The following KCNH2 variants were observed in gnomAD, a reference collection of about 807,000 sequenced individuals.
KCNH2 encodes the protein potassium voltage-gated channel subfamily H member 2, also known as voltage-gated inwardly rectifying potassium channel KCNH2.
Under a neutral mutation model 95.9 loss-of-function variants are expected in KCNH2, and 35 were observed. The observed-to-expected ratio is 0.37, with a 90% CI of 0.28 to 0.48. The LOEUF is 0.48. Among genes scored for constraint, KCNH2 ranks in the 20% least tolerant of loss-of-function variants. The pLI is 0.99. For synonymous variants in KCNH2, 786 were observed against 754.7 expected (o/e 1.04, Z -0.68); for missense variants, 1,274 against 1,702.9 (o/e 0.75, Z 4.43).
chr7:150,977,744 C>T, intron 1 of KCNH2, 94 bp downstream of exon 1: 3 of 1,104,164 alleles, frequency 2.7e-6, no homozygotes, highest in Non-Finnish European at 3.9e-6. Context: ...CACTTGCCGA[C>T]GCACACGGCC....
At position 150,958,193 on chromosome 7, in the gene KCNH2, G is replaced by C; in HGVS notation, c.782C>G (p.Ser261Trp). 1 of 1,360,810 alleles carries C rather than the reference G, an allele frequency of 7.3e-7. No homozygotes were observed. The highest frequency in any genetic ancestry group is 9.4e-7 in the Non-Finnish European group (1 of 1,059,226). The allele number at this position is 1,360,810 out of a possible 1,614,324, so 84.3% of individuals were successfully genotyped here. Residue 261 changes from serine (S) to tryptophan (W), a missense_variant, in exon 4 of 15, where the codon TCG (serine) becomes TGG (tryptophan). By Grantham distance (177) the Ser-to-Trp change is radical. Transcript: ENST00000262186. ...PRAHSLNPDA[S>W]GSSCSLARTR... is the part of the protein sequence containing the mutation. ...CCGGGCCAGGCTGCAGCTGGAGCCC[G>C]AGGCGTCGGGGTTGAGGCTGTGCGC...
At position 150,952,774 on chromosome 7, in the gene KCNH2, T is replaced by C. The variant is rs768122072; in HGVS notation, c.1208A>G (p.Tyr403Cys). Reference protein sequence around the residue: ...PRIHRWTILHYSPFKAVWDWL... With the variant: ...PRIHRWTILHCSPFKAVWDWL... ...GTCCCACACGGCCTTGAAGGGGCTG[T>C]AATGCAGGATGGTCCAGCGGTGGAT... The change falls in exon 6 of 15, where the codon TAC becomes TGC. Residue 403 changes from tyrosine to cysteine, a missense_variant. Physicochemically the swap from Tyr to Cys is radical, Grantham distance 194 (BLOSUM62 -2). This residue lies in a region of KCNH2 where 392 missense variants were observed against 429.9 expected (regional missense o/e 0.91). Coordinates refer to ENST00000262186, the MANE Select transcript of KCNH2 (RefSeq NM_000238.4). This position sits in a 1 kb window ranked among gnomAD's most constrained non-coding sequence, Gnocchi z 7.3. The C allele has an allele frequency of 1.2e-6, 2 of 1,614,096 alleles. No individual in the cohort carries two copies. Among genetic ancestry groups the C allele is most frequent in the Non-Finnish European group, 1.7e-6 (2 of 1,180,020 alleles).
chr7:150,955,327 CCCTTGGG>C, intron 5 of KCNH2: 1 of 1,452,442 alleles, frequency 6.9e-7, no homozygotes, highest in Non-Finnish European at 9.5e-7. Context: ...GGAGTCAGAG[CCCTTGGG>C]CCAGCCACCT....
intron 2 of KCNH2, among the ~76,000 whole-genome samples, chr7:150,970,894 C>G (rs2117050526): frequency 6.6e-6 from 1 of 152,310 alleles, no homozygotes; most frequent in African/African-American, 2.4e-5. Flanking sequence ...CAAGAAAACC[C>G]ACTTATACAC....
chr7:150,965,334 C>T lies in KCNH2; in HGVS notation c.308-5598G>A, dbSNP rs150358492. On this transcript the variant is annotated intron_variant, in intron 2 of 14. Coordinates refer to ENST00000262186, the MANE Select transcript of KCNH2 (RefSeq NM_000238.4). ...TGGCATGCCTGAGCCATCTCTGCCC[C>T]GGACCACAGCAATGCCTCAGAAGAT... Among the ~76,000 whole-genome samples the T allele has an allele frequency of 5.0e-3, 757 of 152,250 alleles. 4 individuals are homozygous for T. Among genetic ancestry groups the T allele is most frequent in the African/African-American group, 0.018 (736 of 41,534 alleles).
At chr7:150,953,265 A>AGT (rs1351840862) in intron 5 of KCNH2, among the ~76,000 whole-genome samples, 1 of 152,206 alleles carries the variant, frequency 6.6e-6, no homozygotes, top group Admixed American at 6.5e-5. Context: ...CAACCTGGGC[A>AGT]GTGGCCCCAG....
At chr7:150,949,857 T>C (rs1338639508) in intron 9 of KCNH2, 1 of 1,310,524 alleles carries the variant, frequency 7.6e-7, no homozygotes, top group African/African-American at 1.5e-5. Flanking sequence ...CAGGCTAGCA[T>C]TTCTTCCTCT....
Position 150,946,913 on chromosome 7 carries a change from G to C in KCNH2, c.3294C>G (p.Ser1098Arg), listed in dbSNP as rs1203403811. ...PTSTSPLLPV[S>R]PLPTLTLDSL... Reference sequence around the variant, plus strand: ...AGTCCAAGGTGAGGGTGGGGAGGGGGCTGACGGGCAACAGCGGGGATGTGG... The same window carrying C: ...AGTCCAAGGTGAGGGTGGGGAGGGGCCTGACGGGCAACAGCGGGGATGTGG... The change falls in exon 14 of 15, where the codon AGC becomes AGG. Residue 1098 changes from serine to arginine, a missense_variant. By Grantham distance (110) the Ser-to-Arg change is moderately radical. Coordinates refer to ENST00000262186, the MANE Select transcript of KCNH2 (RefSeq NM_000238.4). This position sits in a 1 kb window ranked among gnomAD's most constrained non-coding sequence, Gnocchi z 6.5. The C allele has an allele frequency of 1.3e-6, 2 of 1,598,460 alleles. No homozygotes were observed. Among genetic ancestry groups the C allele is most frequent in the Admixed American group, 3.4e-5 (2 of 59,126 alleles).
chr7:150,952,793 G>T lies in KCNH2; in HGVS notation c.1189C>A (p.Arg397Ser). The change falls in exon 6 of 15, where the codon CGC becomes AGC. Residue 397 changes from arginine to serine, a missense_variant. Arg to Ser is a moderately radical substitution (Grantham distance 110, BLOSUM62 -1). Transcript: ENST00000262186. This position sits in a 1 kb window ranked among gnomAD's most constrained non-coding sequence, Gnocchi z 7.3. The stretch of plus-strand genomic sequence containing the variant: ...GGGCTGTAATGCAGGATGGTCCAGC[G>T]GTGGATGCGCGGTGCCTGCAGCTTG... ...EYKLQAPRIH[R>S]WTILHYSPFK... 6.2e-7 allele frequency: 1 copy of T among 1,614,114 alleles called. No homozygotes were observed. The highest frequency in any genetic ancestry group is 8.5e-7 in the Non-Finnish European group (1 of 1,180,018).
At chr7:150,954,021 T>C (rs1384678428) in intron 5 of KCNH2, among the ~76,000 whole-genome samples, 4 of 152,188 alleles carry the variant, frequency 2.6e-5, no homozygotes, top group Non-Finnish European at 5.9e-5. Flanking sequence ...GGAGAACATC[T>C]CCTTAGAGGA....
intron 2 of KCNH2, among the ~76,000 whole-genome samples, chr7:150,973,655 G>A (rs1801895477): frequency 1.3e-5 from 2 of 152,252 alleles, no homozygotes; most frequent in African/African-American, 4.8e-5. Flanking sequence ...CAAAAGCACA[G>A]CCTGGAGGAT....
At chr7:150,951,394 C>T (rs1181252431) in intron 7 of KCNH2, 54 bp downstream of exon 7, 5 of 1,607,928 alleles carry the variant, frequency 3.1e-6, no homozygotes, top group Non-Finnish European at 4.2e-6. Flanking sequence ...TTTCCTCCAA[C>T]TTGGGTTCCT....
At chr7:150,955,799 G>A (rs1026365138) in intron 5 of KCNH2, 41 of 1,162,768 alleles carry the variant, frequency 3.5e-5, no homozygotes, top group African/African-American at 6.4e-5. Flanking sequence ...AGCAGCGGCC[G>A]CACTCGGAAC....
intron 2 of KCNH2, among the ~76,000 whole-genome samples, chr7:150,967,006 G>A (rs765392801): frequency 2.6e-5 from 4 of 152,258 alleles, no homozygotes; most frequent in Admixed American, 6.5e-5. Context: ...GAGGCCAGGC[G>A]CGGTGGCTCA....
At chr7:150,949,853 A>C in intron 9 of KCNH2, 1 of 1,294,846 alleles carries the variant, frequency 7.7e-7, no homozygotes, top group Non-Finnish European at 1.0e-6. Context: ...CTTCCAGGCT[A>C]GCATTTCTTC....
chr7:150,976,739 C>G (rs994690628), intron 1 of KCNH2, among the ~76,000 whole-genome samples: 9 of 151,304 alleles, frequency 5.9e-5, no homozygotes, highest in East Asian at 5.8e-4. Flanking sequence ...CACCCCCCCC[C>G]ACATCCATCC....
At chr7:150,958,528 C>T (rs1234294631) in intron 3 of KCNH2, 26 bp from the exon 4 acceptor site, 1 of 1,470,362 alleles carries the variant, frequency 6.8e-7, no homozygotes, top group South Asian at 1.3e-5. Flanking sequence ...GGCACGTGGT[C>T]GTGGGGATCG....
In KCNH2 at chr7:150,974,457, C is replaced by A. The variant is rs1801919356; in HGVS notation, c.307+254G>T. ...GAAAAAAAGGACCAGAGGAGCCAGA[C>A]CCACAGCCTAGCAACTCCTTTGCCC... On this transcript the variant is annotated intron_variant, in intron 2 of 14. Coordinates refer to ENST00000262186, the MANE Select transcript of KCNH2 (RefSeq NM_000238.4). Among the ~76,000 whole-genome samples the A allele has an allele frequency of 1.3e-5, 2 of 152,342 alleles. 1 individual carries two copies. Among genetic ancestry groups the A allele is most frequent in the South Asian group, 4.1e-4 (2 of 4,832 alleles).
chr7:150,951,477 ATCT>A lies in KCNH2; in HGVS notation c.1913_1915del (p.Lys638del), dbSNP rs794728442. On this transcript the variant is annotated inframe_deletion, in exon 7 of 15. Coordinates refer to ENST00000262186, the MANE Select transcript of KCNH2 (RefSeq NM_000238.4). ...AATGAGCATGACGCAGATGGAGAAG[ATCT>A]TCTCTGAGTTGGTGTTGGGAGAGAC... 6.2e-7 allele frequency: 1 copy of A among 1,614,050 alleles called. No individual in the cohort carries two copies. Among genetic ancestry groups the A allele is most frequent in the South Asian group, 1.1e-5 (1 of 91,092 alleles).
Sources: gnomAD v4.1 joint callset for allele counts (sites outside exome capture counted in the v4.1 genomes callset) on GRCh38, gnomAD v4.1.1 for gene constraint, gnomAD v4.1.1 regional missense constraint, Gnocchi (gnomAD v3.1) non-coding constraint, MANE v1.5 for transcripts, NCBI Gene and HGNC (gene_info 2026-07-23, HGNC 2026-07-21) for gene names.